The following TENM3 variants were observed in gnomAD, a reference collection of about 807,000 sequenced individuals.
TENM3 encodes teneurin transmembrane protein 3.
A neutral mutation model predicts 255.1 loss-of-function variants in TENM3; 63 were observed. The observed-to-expected ratio is 0.25, with a 90% confidence interval of 0.20 to 0.30. The LOEUF (loss-of-function observed/expected upper bound fraction) is 0.30, where lower values mean the gene tolerates loss of function less well. Among genes scored for constraint, TENM3 ranks in the 10% least tolerant of loss-of-function variants. The pLI is 1.00. For missense variants in TENM3, 2,929 were observed against 3,461.1 expected (o/e 0.85, Z 3.86); for synonymous variants, 1,306 against 1,322.3 (o/e 0.99, Z 0.27).
chr4:182,241,518 C>CTTTTTTTTTTTTT (rs982739950), upstream of TENM3, among the ~76,000 whole-genome samples: 336 of 114,238 alleles, frequency 2.9e-3, 2 homozygotes, highest in African/African-American at 0.012. Flanking sequence ...TTTTTTCTTT[C>CTTTTTTTTTTTTT]TTTTTTTTTT....
the TENM3 span, among the ~76,000 whole-genome samples, chr4:181,855,645 G>T: frequency 3.5e-3 from 530 of 152,258 alleles, 8 homozygotes; most frequent in Admixed American, 5.2e-3. Context: ...TATTCTTCAT[G>T]CTATGCTAAA....
chr4:182,033,140 G>A, the TENM3 span, among the ~76,000 whole-genome samples: 1 of 151,938 alleles, frequency 6.6e-6, no homozygotes, highest in Non-Finnish European at 1.5e-5. Context: ...ATGTTTGGAT[G>A]TTGACTTGAG....
chr4:182,361,788 G>A (rs564265995), intron 3 of TENM3, among the ~76,000 whole-genome samples: 1 of 152,108 alleles, frequency 6.6e-6, no homozygotes. Context: ...AGGAGGAGAG[G>A]TGCTCTGCTT....
At position 182,731,103 on chromosome 4, in the gene TENM3, T is replaced by A; in HGVS notation, c.2931T>A (p.Ser977=). 6.2e-7 allele frequency: 1 copy of A among 1,613,922 alleles called. No individual in the cohort carries two copies. Among genetic ancestry groups the A allele is most frequent in the African/African-American group, 1.3e-5 (1 of 75,050 alleles). Residue 977 remains serine (S), a synonymous_variant, in exon 16 of 28, where the codon TCT becomes TCA. Coordinates refer to ENST00000511685, the MANE Select transcript of TENM3 (RefSeq NM_001080477.4). ...CACCTTTATCCACCTTTTTCAGATC[T>A]TCTCCTGAAGACAGTCCCATCATTC... ...VSSPLSTFFR[S]SPEDSPIIPE...
the TENM3 span, among the ~76,000 whole-genome samples, chr4:181,537,183 T>C: frequency 1.3e-5 from 2 of 151,996 alleles, no homozygotes; most frequent in Non-Finnish European, 2.9e-5. Flanking sequence ...GGGCTTTGAT[T>C]AAGAAAGGGA....
chr4:182,363,059 G>A (rs1303726073), intron 3 of TENM3, among the ~76,000 whole-genome samples: 5 of 152,166 alleles, frequency 3.3e-5, no homozygotes, highest in African/African-American at 1.2e-4. Context: ...GAGCGACCAT[G>A]TCATCAGAAG....
intron 1 of TENM3, among the ~76,000 whole-genome samples, chr4:182,229,555 T>C (rs1335554385): frequency 2.0e-5 from 3 of 152,076 alleles, no homozygotes; most frequent in Admixed American, 1.3e-4. Context: ...AGAGCAAAAT[T>C]TTGTTTTCAA....
intron 1 of TENM3, among the ~76,000 whole-genome samples, chr4:182,171,999 A>T (rs2149697495): frequency 6.6e-6 from 1 of 151,662 alleles, no homozygotes; most frequent in African/African-American, 2.4e-5. Flanking sequence ...GATCATTTTC[A>T]TTTGGCAAGG....
chr4:181,759,671 T>C, the TENM3 span, among the ~76,000 whole-genome samples: 9 of 150,780 alleles, frequency 6.0e-5, no homozygotes, highest in African/African-American at 2.0e-4. Flanking sequence ...ATTCTAAGAG[T>C]TGTAATTAAG....
At chr4:181,589,211 G>A in the TENM3 span, among the ~76,000 whole-genome samples, 1 of 152,094 alleles carries the variant, frequency 6.6e-6, no homozygotes, top group Non-Finnish European at 1.5e-5. Flanking sequence ...GGGAATTTTA[G>A]GTAAATAATT....
chr4:181,797,614 ACTGG>A, the TENM3 span, among the ~76,000 whole-genome samples: 2 of 152,176 alleles, frequency 1.3e-5, no homozygotes. Flanking sequence ...AACAAGTAAA[ACTGG>A]CAGAAGGACT....
chr4:182,498,044 C>A (rs1735968381), intron 3 of TENM3, among the ~76,000 whole-genome samples: 1 of 151,942 alleles, frequency 6.6e-6, no homozygotes, highest in Non-Finnish European at 1.5e-5. Flanking sequence ...TGATTTGGGG[C>A]ATCAGTGCAT....
intron 12 of TENM3, among the ~76,000 whole-genome samples, chr4:182,691,559 C>G (rs1032123288): frequency 6.6e-6 from 1 of 152,106 alleles, no homozygotes; most frequent in African/African-American, 2.4e-5. Context: ...TGAAAGGGTT[C>G]TATTCTGATA....
intron 1 of TENM3, among the ~76,000 whole-genome samples, chr4:182,193,197 A>G (rs1753628059): frequency 6.6e-6 from 1 of 152,212 alleles, no homozygotes; most frequent in Admixed American, 6.5e-5. Context: ...ATTGATAAAC[A>G]AGGTTCTGAA....
At chr4:181,486,551 G>A in the TENM3 span, among the ~76,000 whole-genome samples, 1 of 152,196 alleles carries the variant, frequency 6.6e-6, no homozygotes, top group Non-Finnish European at 1.5e-5. Context: ...TAAATGAATC[G>A]CAGATAAAAT....
At chr4:182,365,466 G>A (rs138742767) in intron 3 of TENM3, among the ~76,000 whole-genome samples, 27 of 152,340 alleles carry the variant, frequency 1.8e-4, no homozygotes, top group African/African-American at 6.0e-4. Flanking sequence ...ACAGGTGTAC[G>A]TGAGCTGGGG....
chr4:182,328,254 C>T (rs1242135027), intron 2 of TENM3, among the ~76,000 whole-genome samples: 3 of 152,040 alleles, frequency 2.0e-5, no homozygotes, highest in African/African-American at 7.2e-5. Context: ...CTCACTCTGT[C>T]GCCCAGGCTG....
intron 3 of TENM3, among the ~76,000 whole-genome samples, chr4:182,547,195 C>A (rs946752422): frequency 6.6e-6 from 1 of 152,022 alleles, no homozygotes; most frequent in Non-Finnish European, 1.5e-5. Flanking sequence ...AAACACGTCT[C>A]CCAACTTAGT....
At chr4:182,783,594 C>T (rs1286707899) in intron 24 of TENM3, among the ~76,000 whole-genome samples, 4 of 149,174 alleles carry the variant, frequency 2.7e-5, no homozygotes, top group East Asian at 4.0e-4. Context: ...TGAATCTGAA[C>T]GTTGGCCTGC....
Sources: allele counts gnomAD v4.1 joint callset (sites outside exome capture counted in the v4.1 genomes callset), GRCh38; gene constraint gnomAD v4.1.1; transcripts MANE v1.5; gene names NCBI Gene and HGNC (gene_info 2026-07-23, HGNC 2026-07-21).